ABL1: variants seen among roughly 807,000 people sequenced by gnomAD.
ABL1 encodes the protein tyrosine-protein kinase ABL1.
Under a neutral mutation model 94.7 loss-of-function variants are expected in ABL1, and 11 were observed. The ratio of observed to expected loss-of-function variants is 0.12; its 90% CI spans 0.07 to 0.19. The LOEUF (loss-of-function observed/expected upper bound fraction) is 0.19, where lower values mean the gene tolerates loss of function less well. Ranked by LOEUF, ABL1 falls within the 10% of genes least tolerant of loss-of-function variation. The pLI, the probability that ABL1 is intolerant of heterozygous loss-of-function variation, is 1.00. For synonymous variants in ABL1, 656 were observed against 622.4 expected (o/e 1.05, Z -0.80); for missense variants, 1,082 against 1,489.4 (o/e 0.73, Z 4.50).
chr9:130,844,431 T>C (rs1830727297), intron 1 of ABL1, among the ~76,000 whole-genome samples: 1 of 152,204 alleles, frequency 6.6e-6, no homozygotes, highest in Non-Finnish European at 1.5e-5. Context: ...ATGAGTGTCT[T>C]TGTACTCCAT....
At chr9:130,874,085 C>T (rs1354821776) in intron 6 of ABL1, among the ~76,000 whole-genome samples, 1 of 152,210 alleles carries the variant, frequency 6.6e-6, no homozygotes, top group East Asian at 1.9e-4. Flanking sequence ...AGGCACAACT[C>T]TTCTGTATTT....
intron 1 of ABL1, among the ~76,000 whole-genome samples, chr9:130,734,439 T>C (rs1447679099): frequency 1.3e-5 from 2 of 151,440 alleles, no homozygotes; most frequent in Non-Finnish European, 2.9e-5. Context: ...ATGGTCTTGA[T>C]CTCCTGACCT....
At chr9:130,782,062 C>A (rs995269309) in intron 1 of ABL1, among the ~76,000 whole-genome samples, 3 of 127,632 alleles carry the variant, frequency 2.4e-5, no homozygotes, top group Non-Finnish European at 5.3e-5. Context: ...TTTTCTTTTT[C>A]TTTTTCTTTT....
At chr9:130,771,685 AC>A (rs1259048412) in intron 1 of ABL1, among the ~76,000 whole-genome samples, 1 of 151,580 alleles carries the variant, frequency 6.6e-6, no homozygotes, top group Non-Finnish European at 1.5e-5. Flanking sequence ...TAGCAGCAGT[AC>A]CCAGCCTAAG....
rs145242692 is a variant in ABL1, at chr9:130,805,835, A to G, written c.137-48229A>G. ...GAAGGGGGAAGCCCTTCAGTTAAAC[A>G]AAGTTACTGACCTGTCTTTTAGACA... On this transcript the variant is annotated intron_variant, in intron 1 of 10. Coordinates refer to the ABL1 transcript ENST00000372348. 3.8e-3 allele frequency among the ~76,000 whole-genome samples: 583 copies of G among 152,326 alleles called. 4 individuals carry two copies. The highest frequency in any genetic ancestry group is 6.1e-3 in the Non-Finnish European group (416 of 68,024).
At chr9:130,738,164 C>G (rs1831769665) in intron 1 of ABL1, among the ~76,000 whole-genome samples, 1 of 151,966 alleles carries the variant, frequency 6.6e-6, no homozygotes, top group Non-Finnish European at 1.5e-5. Context: ...GGAGAAAAAC[C>G]AAAAGATAAG....
In ABL1 at chr9:130,885,165, G is replaced by A. The variant is rs149941789; in HGVS notation, c.2875G>A (p.Val959Met). Residue 959 changes from valine (V) to methionine (M), a missense_variant, in exon 11 of 11, where the codon GTG (valine) becomes ATG (methionine). Val to Met is a conservative substitution (Grantham distance 21, BLOSUM62 1). This residue lies in a region of ABL1 where 780 missense variants were observed against 835.8 expected (regional missense o/e 0.93). Transcript: ENST00000318560. Reference sequence around the variant, plus strand: ...GCCGGGAGAGGGCCTCAAAAAGCCCGTGCTCCCGGCCACTCCAAAGCCACA... The same window carrying A: ...GCCGGGAGAGGGCCTCAAAAAGCCCATGCTCCCGGCCACTCCAAAGCCACA... ...SQPGEGLKKP[V>M]LPATPKPQSA... is the part of the protein sequence containing the mutation. 2.0e-5 allele frequency: 33 copies of A among 1,613,276 alleles called. No homozygotes were observed. In the African/African-American group the frequency reaches 2.1e-4, roughly 10 times the overall value.
At chr9:130,715,579 G>C (rs1440298688) in intron 1 of ABL1, among the ~76,000 whole-genome samples, 2 of 152,138 alleles carry the variant, frequency 1.3e-5, no homozygotes, top group African/African-American at 4.8e-5. Context: ...TTTGTTTTTA[G>C]GCAGGCAAAT....
intron 1 of ABL1, among the ~76,000 whole-genome samples, chr9:130,794,224 C>T (rs1028285651): frequency 2.6e-5 from 4 of 152,198 alleles, no homozygotes; most frequent in Non-Finnish European, 5.9e-5. Flanking sequence ...GCCATTGGAT[C>T]ATGACACATT....
chr9:130,777,293 CCT>C (rs906516232), intron 1 of ABL1, among the ~76,000 whole-genome samples: 1 of 152,194 alleles, frequency 6.6e-6, no homozygotes, highest in Non-Finnish European at 1.5e-5. Context: ...TGTTGGGAGT[CCT>C]ATATATGTGG....
chr9:130,786,513 G>A (rs1004713246), intron 1 of ABL1, among the ~76,000 whole-genome samples: 11 of 152,240 alleles, frequency 7.2e-5, no homozygotes, highest in African/African-American at 2.4e-4. Flanking sequence ...TTTCCCTATT[G>A]AAATGACTGG....
chr9:130,764,487 A>G, intron 1 of ABL1, among the ~76,000 whole-genome samples: 1 of 152,148 alleles, frequency 6.6e-6, no homozygotes. Context: ...TGTTTAGCTT[A>G]TTTAGCAGCA....
At chr9:130,809,009 G>A (rs34590515) in intron 1 of ABL1, among the ~76,000 whole-genome samples, 16 of 152,280 alleles carry the variant, frequency 1.1e-4, no homozygotes, top group African/African-American at 2.6e-4. Flanking sequence ...ACCGCGGTGC[G>A]GGGAGAAGGA....
intron 1 of ABL1, among the ~76,000 whole-genome samples, chr9:130,778,718 A>G (rs1288666077): frequency 6.6e-6 from 1 of 150,474 alleles, no homozygotes; most frequent in Non-Finnish European, 1.5e-5. Context: ...TGTTCTCACC[A>G]TTGTCGTGGT....
At chr9:130,780,525 A>C (rs1343842621) in intron 1 of ABL1, among the ~76,000 whole-genome samples, 1 of 152,138 alleles carries the variant, frequency 6.6e-6, no homozygotes, top group East Asian at 1.9e-4. Flanking sequence ...TCGTTTTTGG[A>C]TAGTGCTCAC....
intron 1 of ABL1, among the ~76,000 whole-genome samples, chr9:130,782,072 T>A (rs1426060530): frequency 1.3e-5 from 2 of 151,936 alleles, no homozygotes; most frequent in African/African-American, 4.8e-5. Flanking sequence ...CTTTTTCTTT[T>A]TTTTTTGAGA....
At chr9:130,874,808 G>A (rs1366543376) in intron 6 of ABL1, 60 bp from the exon 7 acceptor site, 17 of 1,558,604 alleles carry the variant, frequency 1.1e-5, no homozygotes, top group Non-Finnish European at 1.5e-5. Context: ...CAGCAGTGGT[G>A]GATTTGTGAA....
chr9:130,846,953 A>G (rs1170575634), intron 1 of ABL1, among the ~76,000 whole-genome samples: 1 of 152,258 alleles, frequency 6.6e-6, no homozygotes, highest in Non-Finnish European at 1.5e-5. Context: ...CAAGTTAATC[A>G]TGCACAGATC....
intron 1 of ABL1, among the ~76,000 whole-genome samples, chr9:130,815,758 A>T (rs1371264607): frequency 6.6e-6 from 1 of 152,164 alleles, no homozygotes; most frequent in Admixed American, 6.5e-5. Context: ...GCAGTGGCTT[A>T]TGCCTGTAAT....
Sources: allele counts gnomAD v4.1 joint callset (sites outside exome capture counted in the v4.1 genomes callset), GRCh38; gene constraint gnomAD v4.1.1; regional missense constraint gnomAD v4.1.1; transcripts MANE v1.5; gene names NCBI Gene and HGNC (gene_info 2026-07-23, HGNC 2026-07-21).